KCTD20: variants seen among roughly 807,000 people sequenced by gnomAD.
KCTD20 encodes potassium channel tetramerization domain containing 20.
A neutral mutation model predicts 39.6 loss-of-function variants in KCTD20; 30 were observed. The observed-to-expected ratio is 0.76, with a 90% CI of 0.57 to 1.03. The LOEUF (loss-of-function observed/expected upper bound fraction) is 1.03. Ranked by LOEUF, KCTD20 falls within the 50% of genes least tolerant of loss-of-function variation. The probability of loss-of-function intolerance (pLI) is 0.00; values close to 1 mark genes in which losing one functional copy is unlikely to be tolerated. For synonymous variants in KCTD20, 162 were observed against 180.6 expected (o/e 0.90, Z 0.83); for missense variants, 422 against 522.0 (o/e 0.81, Z 1.87).
rs149487995 is a variant in KCTD20, at chr6:36,486,279, T to G, written c.968-604T>G. On this transcript the variant is annotated intron_variant, in intron 7 of 7. Coordinates refer to ENST00000373731, the MANE Select transcript of KCTD20 (RefSeq NM_173562.5). The stretch of plus-strand genomic sequence containing the variant: ...TCTTTCCCTTGTCTGTTAGGTGCAT[T>G]TCCCAGAACAACCCATCAAACTGTT... Among the ~76,000 whole-genome samples the G allele has an allele frequency of 9.9e-4, 151 of 152,300 alleles. 1 individual carries two copies. The highest frequency in any genetic ancestry group is 3.5e-3 in the African/African-American group (147 of 41,556).
At chr6:36,454,046 C>T (rs1775350819) in intron 1 of KCTD20, among the ~76,000 whole-genome samples, 1 of 152,114 alleles carries the variant, frequency 6.6e-6, no homozygotes. Flanking sequence ...CATAACTATT[C>T]TTTCAATCTT....
At chr6:36,449,903 G>A (rs888083938) in intron 1 of KCTD20, among the ~76,000 whole-genome samples, 1 of 152,132 alleles carries the variant, frequency 6.6e-6, no homozygotes, top group Admixed American at 6.5e-5. Flanking sequence ...GGTGGCTCAC[G>A]CCTGTAATCC....
chr6:36,456,972 G>T (rs2127434304), intron 1 of KCTD20, among the ~76,000 whole-genome samples: 1 of 152,244 alleles, frequency 6.6e-6, no homozygotes. Flanking sequence ...TAATTTTTTT[G>T]TATTTCTTTT....
At chr6:36,453,446 C>G (rs1335574371) in intron 1 of KCTD20, among the ~76,000 whole-genome samples, 1 of 151,568 alleles carries the variant, frequency 6.6e-6, no homozygotes, top group Non-Finnish European at 1.5e-5. Context: ...GATTAATAAG[C>G]TATTATTTTC....
intron 1 of KCTD20, among the ~76,000 whole-genome samples, chr6:36,463,225 C>T (rs1775650714): frequency 6.6e-6 from 1 of 152,090 alleles, no homozygotes; most frequent in Non-Finnish European, 1.5e-5. Flanking sequence ...GCCTGGAATG[C>T]CCTTTTTCCC....
chr6:36,485,728 C>T (rs1484106299), intron 7 of KCTD20, among the ~76,000 whole-genome samples: 1 of 152,046 alleles, frequency 6.6e-6, no homozygotes, highest in Non-Finnish European at 1.5e-5. Context: ...CTCCTGACCT[C>T]GTGATCCGCC....
At position 36,488,061 on chromosome 6, in the gene KCTD20, C is replaced by T. The variant is rs41272166; in HGVS notation, c.*886C>T. 0.12 allele frequency: 17,606 copies of T among 152,158 alleles called. 1,199 individuals are homozygous for T. The highest frequency in any genetic ancestry group is 0.22 in the Admixed American group (3,387 of 15,268). 9.4% of individuals were successfully genotyped at this position (152,158 alleles called of 1,614,324 possible). On this transcript the variant is annotated 3_prime_UTR_variant, in exon 8 of 8. Transcript: ENST00000373731. ...GGCTTAAAGGCTTTCAAGATGAGGA[C>T]AGAAATTGCTTACAATTGCTCAGTT...
At chr6:36,450,478 A>G (rs1315331238) in intron 1 of KCTD20, among the ~76,000 whole-genome samples, 4 of 143,004 alleles carry the variant, frequency 2.8e-5, no homozygotes, top group African/African-American at 1.1e-4. Context: ...ACAGAGTGAG[A>G]CTCTGTCTCA....
At chr6:36,460,104 A>G (rs1173644348) in intron 1 of KCTD20, among the ~76,000 whole-genome samples, 1 of 152,158 alleles carries the variant, frequency 6.6e-6, no homozygotes, top group Non-Finnish European at 1.5e-5. Flanking sequence ...TGGAAATTCT[A>G]TTATATGTTG....
At chr6:36,479,046 G>A (rs1776155062) in intron 3 of KCTD20, 75 bp from the exon 4 acceptor site, 2 of 961,018 alleles carry the variant, frequency 2.1e-6, no homozygotes, top group South Asian at 1.4e-5. Flanking sequence ...TCCAGAATGA[G>A]GTGGAGAAGG....
At chr6:36,471,011 C>T (rs1249836325) in intron 2 of KCTD20, among the ~76,000 whole-genome samples, 1 of 152,008 alleles carries the variant, frequency 6.6e-6, no homozygotes, top group Non-Finnish European at 1.5e-5. Context: ...ATTAGCCGGG[C>T]GTGGTGGCAG....
intron 3 of KCTD20, 23 bp from the exon 4 acceptor site, chr6:36,479,098 A>G: frequency 6.8e-7 from 1 of 1,468,180 alleles, no homozygotes; most frequent in South Asian, 1.1e-5. Flanking sequence ...AGAAGATAAC[A>G]TTATTGCCTG....
At chr6:36,456,283 A>AT (rs1775430746) in intron 1 of KCTD20, among the ~76,000 whole-genome samples, 1 of 152,072 alleles carries the variant, frequency 6.6e-6, no homozygotes, top group East Asian at 1.9e-4. Flanking sequence ...TCGCTAAAAA[A>AT]TTAGCTTTTT....
chr6:36,462,233 C>G (rs1165011663), intron 1 of KCTD20, among the ~76,000 whole-genome samples: 2 of 152,048 alleles, frequency 1.3e-5, no homozygotes, highest in Non-Finnish European at 2.9e-5. Context: ...TTTTTCAAGT[C>G]TGTTGTCTTT....
chr6:36,454,270 C>T (rs1775357167), intron 1 of KCTD20, among the ~76,000 whole-genome samples: 2 of 152,184 alleles, frequency 1.3e-5, no homozygotes, highest in South Asian at 4.1e-4. Context: ...CATGCTTACT[C>T]ATTTACAAAT....
At chr6:36,465,805 A>G (rs1443888247) in intron 1 of KCTD20, 2 of 152,228 alleles carry the variant, frequency 1.3e-5, no homozygotes, top group Non-Finnish European at 2.9e-5. Context: ...AGTGTATAAA[A>G]TGCTTTCACA....
chr6:36,448,013 G>GTATATATA (rs10645937), intron 1 of KCTD20, among the ~76,000 whole-genome samples: 1,816 of 128,864 alleles, frequency 0.014, 24 homozygotes, highest in Middle Eastern at 0.037. Context: ...GTATGTGTGT[G>GTATATATA]TGTATATATA....
In KCTD20 at chr6:36,469,676, A is replaced by G. The variant is rs893421276; in HGVS notation, c.-46-376A>G. Among the ~76,000 whole-genome samples the G allele has an allele frequency of 2.0e-5, 3 of 152,202 alleles. No individual in the cohort carries two copies. Among genetic ancestry groups the G allele is most frequent in the African/African-American group, 7.2e-5 (3 of 41,448 alleles). Reference sequence around the variant, plus strand: ...CAGTGTATGTGTCAATTTTAAAAAAACATAGGTTTTCTTTAGTTGAAAAGT... The same window carrying G: ...CAGTGTATGTGTCAATTTTAAAAAAGCATAGGTTTTCTTTAGTTGAAAAGT... On this transcript the variant is annotated intron_variant, in intron 1 of 7. Transcript: ENST00000373731. This position sits in a 1 kb window ranked among gnomAD's most constrained non-coding sequence, Gnocchi z 4.6.
chr6:36,450,368 A>T (rs1775211259), intron 1 of KCTD20, among the ~76,000 whole-genome samples: 1 of 148,822 alleles, frequency 6.7e-6, no homozygotes, highest in Admixed American at 6.7e-5. Context: ...CGTGCTTGTA[A>T]TCCCAACTAC....
Sources: gnomAD v4.1 joint callset for allele counts (sites outside exome capture counted in the v4.1 genomes callset) on GRCh38, gnomAD v4.1.1 for gene constraint, Gnocchi (gnomAD v3.1) non-coding constraint, MANE v1.5 for transcripts, NCBI Gene and HGNC (gene_info 2026-07-23, HGNC 2026-07-21) for gene names.